The following SYCP2 variants were observed in gnomAD, a reference collection of about 807,000 sequenced individuals.
The protein encoded by SYCP2 is synaptonemal complex lateral element protein.
SYCP2 carries 55 observed loss-of-function variants against 211.3 expected under a neutral mutation model. The ratio of observed to expected loss-of-function variants is 0.26; its 90% CI spans 0.21 to 0.33. SYCP2 has a LOEUF of 0.33. SYCP2 is among the 10% of genes least tolerant of loss of function. The pLI is 1.00. For missense variants in SYCP2, 1,731 were observed against 1,752.0 expected (o/e 0.99, Z 0.21); for synonymous variants, 570 against 555.2 (o/e 1.03, Z -0.37).
chr20:59,871,777 T>C (rs2059456535), intron 35 of SYCP2, among the ~76,000 whole-genome samples: 1 of 151,924 alleles, frequency 6.6e-6, no homozygotes, highest in Non-Finnish European at 1.5e-5. Context: ...ACAATGTAAA[T>C]ACTCTTAAAT....
At chr20:59,866,626 C>A in intron 39 of SYCP2, 37 bp from the exon 40 acceptor site, 1 of 1,370,464 alleles carries the variant, frequency 7.3e-7, no homozygotes, top group South Asian at 1.3e-5. Flanking sequence ...AATATCTTTA[C>A]AAAATAACAC....
intron 34 of SYCP2, 96 bp downstream of exon 34, chr20:59,875,175 C>T (rs945508359): frequency 2.8e-6 from 2 of 720,204 alleles, no homozygotes; most frequent in Non-Finnish European, 2.2e-6. Context: ...ATTATAAATA[C>T]CCCTCAAAAT....
At chr20:59,916,816 G>A (rs1319119566) in intron 7 of SYCP2, among the ~76,000 whole-genome samples, 3 of 152,148 alleles carry the variant, frequency 2.0e-5, no homozygotes, top group Non-Finnish European at 4.4e-5. Context: ...CTACATGGGA[G>A]GCTGAGGTGG....
At chr20:59,900,412 T>C (rs79811860) in intron 17 of SYCP2, 128 bp from the exon 18 acceptor site, 1 of 874,388 alleles carries the variant, frequency 1.1e-6, no homozygotes, top group East Asian at 2.7e-5. Context: ...ATCCATGTGC[T>C]GTTATAATTT....
At chr20:59,872,415 GC>G (rs1317221236) in intron 35 of SYCP2, among the ~76,000 whole-genome samples, 5 of 152,012 alleles carry the variant, frequency 3.3e-5, no homozygotes, top group Non-Finnish European at 5.9e-5. Context: ...ATATCGTAGT[GC>G]TCAAGCAACC....
In SYCP2 at chr20:59,869,941, T is replaced by C. The variant is rs186581352; in HGVS notation, c.3598A>G (p.Lys1200Glu). The C allele has an allele frequency of 7.8e-5, 125 of 1,604,962 alleles. 1 individual carries two copies. The East Asian group carries it at 1.9e-3, about 24-fold the overall frequency. The change falls in exon 36 of 45, where the codon AAA becomes GAA. Residue 1200 changes from lysine (K) to glutamate (E), a missense_variant. This residue lies in a region of SYCP2 where 1,387 missense variants were observed against 1,351.3 expected (regional missense o/e 1.03). Transcript: ENST00000357552. ...GTAAGTACCAGAGAACTTATTTTTT[T>C]TCTATTTACAATAGTATTACTCTTA... ...PTKSNTIVNR[K>E]KISSLVLTQE...
At chr20:59,916,368 G>T in intron 8 of SYCP2, 118 bp downstream of exon 8, 1 of 630,826 alleles carries the variant, frequency 1.6e-6, no homozygotes, top group South Asian at 2.0e-5. Context: ...GATTATGATA[G>T]AAATATACTC....
Position 59,922,426 on chromosome 20 carries a change from T to TTAA in SYCP2, c.-14_-13insTTA. On this transcript the variant is annotated 5_prime_UTR_variant, in exon 3 of 45. Coordinates refer to ENST00000357552, the MANE Select transcript of SYCP2 (RefSeq NM_014258.4). Reference sequence around the variant, plus strand: ...GTCTTATTGGCATTTTGACTTCATTTAAAAAAAAAAAAAAAGCAAGACAAA... The same window carrying TTAA: ...GTCTTATTGGCATTTTGACTTCATTTTAAAAAAAAAAAAAAAAAGCAAGACAAA... The TTAA allele has an allele frequency of 1.4e-6, 2 of 1,428,186 alleles. No individual in the cohort carries two copies. Among genetic ancestry groups the TTAA allele is most frequent in the Non-Finnish European group, 1.9e-6 (2 of 1,060,712 alleles). The allele number at this position is 1,428,186 out of a possible 1,614,324, so 88.5% of individuals were successfully genotyped here. A position where few individuals can be genotyped will look rare whatever the true frequency, so the allele number is the denominator to read the frequency against.
At chr20:59,921,638 T>G (rs1421705551) in intron 3 of SYCP2, among the ~76,000 whole-genome samples, 185 bp from the exon 4 acceptor site, 1 of 151,616 alleles carries the variant, frequency 6.6e-6, no homozygotes, top group East Asian at 1.9e-4. Context: ...GAAATTACAT[T>G]TCTTTGATAA....
chr20:59,879,812 AATATAAATAAATATAT>A (rs1489800002), intron 31 of SYCP2, among the ~76,000 whole-genome samples: 18 of 33,012 alleles, frequency 5.5e-4, no homozygotes, highest in African/African-American at 4.6e-3. Context: ...ATATTTAGTA[AATATAAATAAATATAT>A]ATATATATAT....
intron 38 of SYCP2, 37 bp downstream of exon 38, chr20:59,868,376 A>AT: frequency 1.3e-6 from 2 of 1,583,234 alleles, no homozygotes; most frequent in Non-Finnish European, 1.7e-6. Flanking sequence ...CACCCTCCAA[A>AT]TAACTGCATT....
intron 35 of SYCP2, among the ~76,000 whole-genome samples, chr20:59,870,286 A>G (rs1254747668): frequency 6.6e-6 from 1 of 151,750 alleles, no homozygotes; most frequent in African/African-American, 2.4e-5. Context: ...TCTAATCTTC[A>G]TGTGTAACAG....
At chr20:59,930,178 T>G (rs570755379) in intron 2 of SYCP2, among the ~76,000 whole-genome samples, 1 of 152,294 alleles carries the variant, frequency 6.6e-6, no homozygotes, top group South Asian at 2.1e-4. Flanking sequence ...CCCCTGAACT[T>G]CCTTTGCCTA....
intron 42 of SYCP2, 40 bp downstream of exon 42, chr20:59,865,767 T>A (rs1017920031): frequency 2.6e-6 from 3 of 1,171,616 alleles, no homozygotes; most frequent in Non-Finnish European, 3.4e-6. Context: ...TTTAAAAATC[T>A]AATTTTATAG....
chr20:59,865,420 T>C lies in SYCP2; in HGVS notation c.4483A>G (p.Lys1495Glu). The change falls in exon 44 of 45, where the codon AAA becomes GAA. Residue 1495 changes from lysine (K) to glutamate (E), a missense_variant. Lys to Glu is a moderately conservative substitution (Grantham distance 56). Around this residue, in one of 3 missense-constraint regions of SYCP2, gnomAD observed 1,387 missense variants for 1,351.3 expected, o/e 1.03. Coordinates refer to ENST00000357552, the MANE Select transcript of SYCP2 (RefSeq NM_014258.4). ...TTAAGAAGCCTGTCTTGCAGCACTT[T>C]CATATCTTCTTTCATCAAACACATC... ...SEMCLMKEDM[K>E]VLQDRLLKDM... The C allele has an allele frequency of 6.2e-7, 1 of 1,610,190 alleles. No individual in the cohort carries two copies. Among genetic ancestry groups the C allele is most frequent in the South Asian group, 1.1e-5 (1 of 90,402 alleles).
chr20:59,882,089 A>G lies in SYCP2; in HGVS notation c.2600+6T>C. ...GAAAATGAAAAATATTACAAAAAAT[A>G]CTTACACTGGGCATTCAGAAGTAAC... is the stretch of plus-strand genomic sequence containing the variant. On this transcript the variant is annotated splice_donor_region_variant and intron_variant, in intron 27 of 44. Coordinates refer to ENST00000357552, the MANE Select transcript of SYCP2 (RefSeq NM_014258.4). 1 of 1,611,798 alleles carries G rather than the reference A, an allele frequency of 6.2e-7. No individual in the cohort carries two copies. The highest frequency in any genetic ancestry group is 8.5e-7 in the Non-Finnish European group (1 of 1,178,634).
At chr20:59,906,420 CA>C (rs2060214833) in intron 15 of SYCP2, among the ~76,000 whole-genome samples, 1 of 152,002 alleles carries the variant, frequency 6.6e-6, no homozygotes, top group African/African-American at 2.4e-5. Context: ...TCATGATTTT[CA>C]ACAAAGAAAC....
intron 5 of SYCP2, among the ~76,000 whole-genome samples, chr20:59,920,042 C>A (rs6071029): frequency 6.6e-6 from 1 of 151,446 alleles, no homozygotes; most frequent in Admixed American, 6.6e-5. Flanking sequence ...AAAATCAATA[C>A]CCTACATGCT....
Position 59,875,379 on chromosome 20 carries a change from T to G in SYCP2, c.3241A>C (p.Lys1081Gln). Residue 1081 changes from lysine to glutamine, a missense_variant, in exon 34 of 45, where the codon AAA becomes CAA. Around this residue, in one of 3 missense-constraint regions of SYCP2, gnomAD observed 1,387 missense variants for 1,351.3 expected, o/e 1.03. Coordinates refer to ENST00000357552, the MANE Select transcript of SYCP2 (RefSeq NM_014258.4). The stretch of plus-strand genomic sequence containing the variant: ...AGTAGAGATGAGTTTTTCCATTGTT[T>G]TGATAGTTCCTTTTCTGTTTCAGCA... Reference protein sequence around the residue: ...FCAETEKELSKQWKNSSLLKD... With the variant: ...FCAETEKELSQQWKNSSLLKD... 6.2e-7 allele frequency: 1 copy of G among 1,613,006 alleles called. No individual in the cohort carries two copies. The highest frequency in any genetic ancestry group is 1.1e-5 in the South Asian group (1 of 91,030).
Sources: allele counts gnomAD v4.1 joint callset (sites outside exome capture counted in the v4.1 genomes callset), GRCh38; gene constraint gnomAD v4.1.1; regional missense constraint gnomAD v4.1.1; transcripts MANE v1.5; gene names NCBI Gene and HGNC (gene_info 2026-07-23, HGNC 2026-07-21).